PLEKHM3: variants seen among roughly 807,000 people sequenced by gnomAD.
PLEKHM3 encodes the protein pleckstrin homology domain-containing family M member 3.
A neutral mutation model predicts 81.8 loss-of-function variants in PLEKHM3; 45 were observed. That is an observed-to-expected ratio of 0.55 (90% CI 0.43 to 0.71). The LOEUF (loss-of-function observed/expected upper bound fraction) is 0.71, where lower values mean the gene tolerates loss of function less well. Ranked by LOEUF, PLEKHM3 falls within the 30% of genes least tolerant of loss-of-function variation. The pLI is 0.00. For missense variants in PLEKHM3, 788 were observed against 924.3 expected (o/e 0.85, Z 1.91); for synonymous variants, 352 against 356.4 (o/e 0.99, Z 0.14).
At chr2:207,867,530 C>T (rs1475531108) in intron 6 of PLEKHM3, among the ~76,000 whole-genome samples, 2 of 152,008 alleles carry the variant, frequency 1.3e-5, no homozygotes, top group South Asian at 4.1e-4. Flanking sequence ...GAACAGAATC[C>T]GGCCATCCTA....
At chr2:207,849,742 A>G (rs1308375602) in intron 7 of PLEKHM3, among the ~76,000 whole-genome samples, 1 of 152,196 alleles carries the variant, frequency 6.6e-6, no homozygotes, top group Non-Finnish European at 1.5e-5. Flanking sequence ...GACTTGTGTT[A>G]TGCTCCTCTA....
intron 6 of PLEKHM3, among the ~76,000 whole-genome samples, chr2:207,889,548 A>G (rs1687989172): frequency 6.6e-6 from 1 of 151,670 alleles, no homozygotes; most frequent in Non-Finnish European, 1.5e-5. Flanking sequence ...CAAACCTATA[A>G]TTTATGGAAA....
chr2:208,009,581 C>T (rs568947420), intron 1 of PLEKHM3, among the ~76,000 whole-genome samples: 3 of 152,220 alleles, frequency 2.0e-5, no homozygotes, highest in African/African-American at 7.2e-5. Flanking sequence ...CCTCATTTTA[C>T]GAATGAGGAA....
intron 5 of PLEKHM3, among the ~76,000 whole-genome samples, chr2:207,915,963 G>A (rs1688979858): frequency 6.6e-6 from 1 of 152,174 alleles, no homozygotes; most frequent in African/African-American, 2.4e-5. Flanking sequence ...TTCTTGATAT[G>A]AGCTGCAAAC....
intron 6 of PLEKHM3, among the ~76,000 whole-genome samples, chr2:207,902,713 G>A (rs1021265180): frequency 2.0e-5 from 3 of 151,952 alleles, no homozygotes; most frequent in Non-Finnish European, 2.9e-5. Context: ...TTTGTTTAGC[G>A]GCTAATGTTA....
At chr2:207,923,903 A>ATT (rs1235482345) in intron 5 of PLEKHM3, among the ~76,000 whole-genome samples, 76 of 59,818 alleles carry the variant, frequency 1.3e-3, no homozygotes, top group African/African-American at 3.1e-3. Context: ...ATATATATAT[A>ATT]TATTTTTTTT....
chr2:207,989,582 A>C (rs939379480), intron 2 of PLEKHM3, among the ~76,000 whole-genome samples: 1 of 152,142 alleles, frequency 6.6e-6, no homozygotes, highest in African/African-American at 2.4e-5. Context: ...TGAGTCCTCA[A>C]CACTAATCTG....
intron 1 of PLEKHM3, among the ~76,000 whole-genome samples, chr2:208,014,505 G>A (rs1247031299): frequency 4.6e-5 from 7 of 152,166 alleles, no homozygotes; most frequent in Admixed American, 2.0e-4. Context: ...TTAGCTGGCC[G>A]TGGTGGCAGG....
At chr2:207,935,239 G>A (rs1177485311) in intron 4 of PLEKHM3, among the ~76,000 whole-genome samples, 5 of 152,180 alleles carry the variant, frequency 3.3e-5, no homozygotes. Context: ...AGTACAGCAT[G>A]TTTGCATATT....
At chr2:207,886,599 G>C (rs936144764) in intron 6 of PLEKHM3, among the ~76,000 whole-genome samples, 22 of 152,168 alleles carry the variant, frequency 1.4e-4, no homozygotes, top group African/African-American at 5.3e-4. Flanking sequence ...GATGCTGCAA[G>C]GCCCTGAGCC....
chr2:207,943,639 C>T (rs528451042), intron 4 of PLEKHM3, among the ~76,000 whole-genome samples: 2 of 152,010 alleles, frequency 1.3e-5, no homozygotes, highest in East Asian at 1.9e-4. Context: ...GAGGCCGAGG[C>T]GGGCGGATCA....
chr2:207,889,507 T>TAATGGG (rs1483091452), intron 6 of PLEKHM3, among the ~76,000 whole-genome samples: 1 of 140,344 alleles, frequency 7.1e-6, no homozygotes, highest in Non-Finnish European at 1.5e-5. Flanking sequence ...ACCCAAAAGA[T>TAATGGG]AATGGGAATC....
intron 4 of PLEKHM3, among the ~76,000 whole-genome samples, chr2:207,934,296 T>G (rs1689679333): frequency 6.6e-6 from 1 of 152,196 alleles, no homozygotes; most frequent in Admixed American, 6.5e-5. Flanking sequence ...TGCTGCCATT[T>G]CTGATGTAAA....
intron 4 of PLEKHM3, among the ~76,000 whole-genome samples, chr2:207,935,391 C>A (rs192914222): frequency 6.6e-6 from 1 of 152,046 alleles, no homozygotes; most frequent in Non-Finnish European, 1.5e-5. Flanking sequence ...CCAGCCCGGA[C>A]CCCCACTCAC....
chr2:207,997,772 C>G (rs1692170555), intron 2 of PLEKHM3, among the ~76,000 whole-genome samples: 1 of 152,172 alleles, frequency 6.6e-6, no homozygotes, highest in South Asian at 2.1e-4. Flanking sequence ...GTCTGCAGCT[C>G]AAGGAAGAGG....
intron 6 of PLEKHM3, among the ~76,000 whole-genome samples, chr2:207,863,840 T>C (rs1375565634): frequency 1.3e-5 from 2 of 151,928 alleles, no homozygotes; most frequent in African/African-American, 4.8e-5. Flanking sequence ...AGAATAACTT[T>C]TCTATGAAAA....
At chr2:208,018,844 C>T (rs1693018271) in intron 1 of PLEKHM3, among the ~76,000 whole-genome samples, 1 of 152,112 alleles carries the variant, frequency 6.6e-6, no homozygotes. Context: ...ATCTCTCTCT[C>T]TACCCCTACC....
intron 3 of PLEKHM3, among the ~76,000 whole-genome samples, chr2:207,970,941 G>T (rs1023538843): frequency 2.6e-5 from 4 of 152,224 alleles, no homozygotes; most frequent in Non-Finnish European, 5.9e-5. Flanking sequence ...CAGCAGCCAA[G>T]GAGTAAAACC....
intron 7 of PLEKHM3, among the ~76,000 whole-genome samples, chr2:207,858,134 ATATGTGTGTGTGTGTGTGTGTG>A (rs1379942043): frequency 8.3e-6 from 1 of 120,412 alleles, no homozygotes; most frequent in Non-Finnish European, 1.8e-5. Context: ...TTTCATATAG[ATATGTGTGTGTGTGTGTGTGTG>A]TGTGTGTGTG....
Sources: allele counts gnomAD v4.1 joint callset (sites outside exome capture counted in the v4.1 genomes callset), GRCh38; gene constraint gnomAD v4.1.1; transcripts MANE v1.5; gene names NCBI Gene and HGNC (gene_info 2026-07-23, HGNC 2026-07-21).